CYTH3: variants seen among roughly 807,000 people sequenced by gnomAD.
CYTH3 encodes the protein cytohesin 3, also known as cytohesin-3.
CYTH3 carries 23 observed loss-of-function variants against 55.1 expected under a neutral mutation model. That is an observed-to-expected ratio of 0.42 (90% CI 0.30 to 0.59). CYTH3 has a LOEUF of 0.59. Ranked by LOEUF, CYTH3 falls within the 20% of genes least tolerant of loss-of-function variation. The pLI is 0.20. For synonymous variants in CYTH3, 249 were observed against 194.9 expected (o/e 1.28, Z -2.31); for missense variants, 413 against 524.8 (o/e 0.79, Z 2.08).
chr7:6,165,143 C>G, intron 12 of CYTH3, 127 bp from the exon 13 acceptor site: 1 of 1,557,930 alleles, frequency 6.4e-7, no homozygotes, highest in Non-Finnish European at 8.7e-7. Context: ...TTTGGCAGCC[C>G]GGCCCTCTGG....
intron 5 of CYTH3, among the ~76,000 whole-genome samples, chr7:6,174,084 C>A (rs140544395): frequency 2.4e-4 from 36 of 152,098 alleles, no homozygotes; most frequent in African/African-American, 8.2e-4. Flanking sequence ...TTTTGAGTAA[C>A]TGCCAGAGAG....
At chr7:6,242,330 C>A (rs1779695674) in intron 1 of CYTH3, among the ~76,000 whole-genome samples, 1 of 150,812 alleles carries the variant, frequency 6.6e-6, no homozygotes, top group Non-Finnish European at 1.5e-5. Context: ...CCCGCCTCGG[C>A]CTCCCAAAGT....
chr7:6,166,214 A>C lies in CYTH3; in HGVS notation c.824-404T>G, dbSNP rs575082929. Among the ~76,000 whole-genome samples the C allele has an allele frequency of 4.6e-4, 70 of 152,276 alleles. 1 individual carries two copies. The highest frequency in any genetic ancestry group is 1.6e-3 in the African/African-American group (66 of 41,570). ...CTTGGGCAGCCCTGGGATCCATCAA[A>C]ATCAGTCACCCCTGGGCCCAAGGAA... On this transcript the variant is annotated intron_variant, in intron 9 of 12. Transcript: ENST00000350796.
intron 1 of CYTH3, among the ~76,000 whole-genome samples, chr7:6,217,546 G>A (rs1784454569): frequency 6.6e-6 from 1 of 152,128 alleles, no homozygotes; most frequent in Non-Finnish European, 1.5e-5. Flanking sequence ...AAACAAAGCT[G>A]CAAAATATGT....
chr7:6,272,586 C>A lies in CYTH3; in HGVS notation c.-79G>T. On this transcript the variant is annotated 5_prime_UTR_variant, in exon 1 of 13. Coordinates refer to ENST00000350796, the MANE Select transcript of CYTH3 (RefSeq NM_004227.4). ...GGGCTGGGGACGCCGCCGGAGGGAG[C>A]GCGCAGGCGACCGGGCGGCTCCTCA... The A allele has an allele frequency of 9.1e-7, 1 of 1,098,160 alleles. No homozygotes were observed. The highest frequency in any genetic ancestry group is 1.1e-6 in the Non-Finnish European group (1 of 897,604). 68.0% of individuals were successfully genotyped at this position (1,098,160 alleles called of 1,614,324 possible).
chr7:6,190,969 C>T (rs374471637), intron 1 of CYTH3, among the ~76,000 whole-genome samples: 5 of 151,670 alleles, frequency 3.3e-5, no homozygotes, highest in Non-Finnish European at 7.4e-5. Flanking sequence ...CTCAGCTACT[C>T]GGGAGGCTGA....
Position 6,171,073 on chromosome 7 carries a change from C to G in CYTH3, c.563-95G>C. The G allele has an allele frequency of 5.0e-6, 8 of 1,591,076 alleles. No individual in the cohort carries two copies. The highest frequency in any genetic ancestry group is 1.3e-5 in the African/African-American group (1 of 74,570). Reference sequence around the variant, plus strand: ...GCCCGCCTGCAAGAGGTGCCCGGCCCACAGGTCGTCCTCGCTCAGGGAAGG... The same window carrying G: ...GCCCGCCTGCAAGAGGTGCCCGGCCGACAGGTCGTCCTCGCTCAGGGAAGG... On this transcript the variant is annotated intron_variant, in intron 7 of 12. Coordinates refer to ENST00000350796, the MANE Select transcript of CYTH3 (RefSeq NM_004227.4). This position sits in a 1 kb window ranked among gnomAD's most constrained non-coding sequence, Gnocchi z 6.7.
chr7:6,187,627 T>A, intron 3 of CYTH3, 30 bp downstream of exon 3: 3 of 1,585,482 alleles, frequency 1.9e-6, no homozygotes, highest in Non-Finnish European at 2.6e-6. Context: ...AAAGAGTAAA[T>A]AGCTTAAAGG....
intron 4 of CYTH3, among the ~76,000 whole-genome samples, chr7:6,186,036 A>C (rs1783639207): frequency 6.6e-6 from 1 of 151,866 alleles, no homozygotes; most frequent in African/African-American, 2.4e-5. Flanking sequence ...TGAGGTCAGG[A>C]GATCAAGACC....
At chr7:6,230,724 C>T (rs895480689) in intron 1 of CYTH3, among the ~76,000 whole-genome samples, 1 of 152,074 alleles carries the variant, frequency 6.6e-6, no homozygotes, top group South Asian at 2.1e-4. Flanking sequence ...TAAACCTTTA[C>T]TACATGAAAA....
chr7:6,242,792 T>C (rs1480111741), intron 1 of CYTH3, among the ~76,000 whole-genome samples: 1 of 152,054 alleles, frequency 6.6e-6, no homozygotes, highest in Non-Finnish European at 1.5e-5. Flanking sequence ...TCATACTACA[T>C]TCAACACCAT....
intron 1 of CYTH3, among the ~76,000 whole-genome samples, chr7:6,197,226 T>C (rs1344120947): frequency 6.6e-6 from 1 of 152,244 alleles, no homozygotes; most frequent in African/African-American, 2.4e-5. Flanking sequence ...CCGTTTACTT[T>C]ACCAGTACTG....
Position 6,223,498 on chromosome 7 carries a change from T to C in CYTH3, c.35-32967A>G, listed in dbSNP as rs559893156. Among the ~76,000 whole-genome samples the C allele has an allele frequency of 1.2e-3, 190 of 152,348 alleles. 1 individual carries two copies. Among genetic ancestry groups the C allele is most frequent in the African/African-American group, 4.5e-3 (186 of 41,572 alleles). ...TTTTGTTCTGTACTAAGAAAAATTA[T>C]TCTGCCTTGGGATGCTGTTAATCTA... On this transcript the variant is annotated intron_variant, in intron 1 of 12. Transcript: ENST00000350796.
At chr7:6,207,238 G>A (rs1470553540) in intron 1 of CYTH3, among the ~76,000 whole-genome samples, 1 of 151,652 alleles carries the variant, frequency 6.6e-6, no homozygotes, top group Non-Finnish European at 1.5e-5. Context: ...GGGACTACAG[G>A]CACCTGCCAC....
chr7:6,183,599 A>C (rs1783559083), intron 4 of CYTH3, among the ~76,000 whole-genome samples: 1 of 152,138 alleles, frequency 6.6e-6, no homozygotes, highest in African/African-American at 2.4e-5. Flanking sequence ...GCTGGAAGGA[A>C]TTTATTTGCT....
chr7:6,187,599 AG>A (rs1339622574), intron 3 of CYTH3, 57 bp downstream of exon 3: 1 of 1,474,712 alleles, frequency 6.8e-7, no homozygotes, highest in Admixed American at 1.7e-5. Flanking sequence ...GTTTGACTAC[AG>A]GATGGAGGTA....
chr7:6,228,428 G>C (rs1186990717), intron 1 of CYTH3, among the ~76,000 whole-genome samples: 1 of 152,132 alleles, frequency 6.6e-6, no homozygotes, highest in Non-Finnish European at 1.5e-5. Flanking sequence ...CTAGGGGGAG[G>C]GGAGGGGTTG....
intron 6 of CYTH3, 29 bp downstream of exon 6, chr7:6,173,624 C>G (rs1187737975): frequency 6.6e-7 from 1 of 1,513,494 alleles, no homozygotes; most frequent in Non-Finnish European, 9.2e-7. Context: ...TCCCCATCCA[C>G]TCTACACCCA....
intron 1 of CYTH3, among the ~76,000 whole-genome samples, chr7:6,249,772 A>C (rs1322369805): frequency 6.6e-6 from 1 of 152,204 alleles, no homozygotes; most frequent in African/African-American, 2.4e-5. Flanking sequence ...CAAGGTGTAC[A>C]TCTCGATGTC....
Sources: allele counts gnomAD v4.1 joint callset (sites outside exome capture counted in the v4.1 genomes callset), GRCh38; gene constraint gnomAD v4.1.1; non-coding constraint Gnocchi (gnomAD v3.1); transcripts MANE v1.5; gene names NCBI Gene and HGNC (gene_info 2026-07-23, HGNC 2026-07-21).